The following PAK4 variants were observed in gnomAD, a reference collection of about 807,000 sequenced individuals.
PAK4 encodes p21 (RAC1) activated kinase 4.
Under a neutral mutation model 53.5 loss-of-function variants are expected in PAK4, and 49 were observed. The ratio of observed to expected loss-of-function variants is 0.92; its 90% CI spans 0.73 to 1.16. The LOEUF (loss-of-function observed/expected upper bound fraction) is 1.16. Among genes scored for constraint, PAK4 ranks in the 50% most tolerant of loss-of-function variants. The pLI is 0.00. For synonymous variants in PAK4, 376 were observed against 375.6 expected (o/e 1.00, Z -0.01); for missense variants, 824 against 850.7 (o/e 0.97, Z 0.39).
intron 1 of PAK4, chr19:39,134,879 A>G (rs1319914407): frequency 1.3e-5 from 2 of 152,224 alleles, no homozygotes; most frequent in Non-Finnish European, 2.9e-5. Context: ...TGCCGGCATT[A>G]CAGGCGTGAG....
chr19:39,148,542 C>T (rs372903526), intron 1 of PAK4, among the ~76,000 whole-genome samples: 2 of 131,192 alleles, frequency 1.5e-5, no homozygotes, highest in East Asian at 4.6e-4. Flanking sequence ...GCAGCCTCTG[C>T]CTCCTGGGTT....
At chr19:39,134,075 C>G (rs1183433886) in intron 1 of PAK4, among the ~76,000 whole-genome samples, 1 of 152,260 alleles carries the variant, frequency 6.6e-6, no homozygotes, top group Non-Finnish European at 1.5e-5. Flanking sequence ...CTGCCGCCCA[C>G]AGGGGCCTCC....
At chr19:39,170,447 C>T (rs190584195) in intron 2 of PAK4, among the ~76,000 whole-genome samples, 1 of 152,308 alleles carries the variant, frequency 6.6e-6, no homozygotes, top group Non-Finnish European at 1.5e-5. Flanking sequence ...GCTCTTAACC[C>T]CTCTGCTGCC....
chr19:39,165,189 G>GATAATAATAATAATAATAATA (rs1171032266), intron 1 of PAK4, among the ~76,000 whole-genome samples: 1 of 54,736 alleles, frequency 1.8e-5, no homozygotes, highest in Non-Finnish European at 4.2e-5. Context: ...GGATGATGAT[G>GATAATAATAATAATAATAATA]ATGATGATAA....
At position 39,175,494 on chromosome 19, in the gene PAK4, C is replaced by G; in HGVS notation, c.1359+56C>G. 1.3e-6 allele frequency: 2 copies of G among 1,522,688 alleles called. No homozygotes were observed. The highest frequency in any genetic ancestry group is 1.8e-6 in the Non-Finnish European group (2 of 1,121,240). The allele number at this position is 1,522,688 out of a possible 1,614,324, so 94.3% of individuals were successfully genotyped here. ...GGCAGGTTTCCGGCTGCGGGGCTTC[C>G]CTGCCTCTTCCCATCCCCTGTGAGG... On this transcript the variant is annotated intron_variant, in intron 6 of 8. Coordinates refer to ENST00000358301, the Ensembl canonical transcript of PAK4. The surrounding 1 kb of genome is among the most constrained non-coding windows in gnomAD (Gnocchi z 4.7).
intron 1 of PAK4, among the ~76,000 whole-genome samples, chr19:39,167,683 AC>A (rs1177220955): frequency 6.7e-6 from 1 of 148,918 alleles, no homozygotes; most frequent in Non-Finnish European, 1.5e-5. Flanking sequence ...CCGGGCCCCC[AC>A]CCCCCTCCCA....
At chr19:39,144,683 T>C (rs1203878552) in intron 1 of PAK4, among the ~76,000 whole-genome samples, 1 of 152,208 alleles carries the variant, frequency 6.6e-6, no homozygotes. Context: ...GCCTTTGTCT[T>C]CCTTGCAGGA....
chr19:39,133,502 G>A (rs1323476862), intron 1 of PAK4, among the ~76,000 whole-genome samples: 2 of 152,090 alleles, frequency 1.3e-5, no homozygotes, highest in Non-Finnish European at 2.9e-5. Flanking sequence ...CAGAGCAAGA[G>A]GAACTGGGAT....
chr19:39,147,195 C>G (rs377462019), intron 1 of PAK4, among the ~76,000 whole-genome samples: 2 of 152,298 alleles, frequency 1.3e-5, no homozygotes, highest in East Asian at 1.9e-4. Flanking sequence ...CTGGCAACCA[C>G]TCATCTGTCT....
intron 7 of PAK4, among the ~76,000 whole-genome samples, chr19:39,177,218 G>C (rs763287279): frequency 1.2e-4 from 18 of 152,218 alleles, no homozygotes; most frequent in Non-Finnish European, 1.8e-4. Flanking sequence ...CCCCTTGTGG[G>C]AGCAGAGCTG....
chr19:39,174,143 T>G, intron 4 of PAK4, 133 bp downstream of exon 5: 1 of 653,154 alleles, frequency 1.5e-6, no homozygotes, highest in Non-Finnish European at 2.6e-6. Flanking sequence ...CTCTTCTCCC[T>G]CCCCAGGCCG....
downstream of PAK4, chr19:39,180,833 C>T (rs1479299163): frequency 2.0e-5 from 3 of 152,230 alleles, no homozygotes; most frequent in African/African-American, 7.2e-5. Context: ...CTCAGGAGGC[C>T]TCTGTGACCA....
At chr19:39,167,032 C>G (rs779597964) in intron 1 of PAK4, among the ~76,000 whole-genome samples, 1 of 152,210 alleles carries the variant, frequency 6.6e-6, no homozygotes, top group African/African-American at 2.4e-5. Context: ...GGCCAGGCGT[C>G]GGAGGACATC....
chr19:39,175,185 C>A lies in PAK4; in HGVS notation c.1232+121C>A. ...GCCCCTGGGATGGGGTCGTGTCTTC[C>A]ATTCCTCCCACTCCAGAGTGGGGTC... On this transcript the variant is annotated intron_variant, in intron 5 of 8. Coordinates refer to ENST00000358301, the Ensembl canonical transcript of PAK4. The surrounding 1 kb of genome is among the most constrained non-coding windows in gnomAD (Gnocchi z 4.7). The A allele has an allele frequency of 6.7e-7, 1 of 1,482,104 alleles. No homozygotes were observed. Among genetic ancestry groups the A allele is most frequent in the Non-Finnish European group, 9.2e-7 (1 of 1,089,410 alleles). 91.8% of individuals were successfully genotyped at this position (1,482,104 alleles called of 1,614,324 possible).
At chr19:39,154,307 C>T (rs941126386) in intron 1 of PAK4, among the ~76,000 whole-genome samples, 1 of 152,132 alleles carries the variant, frequency 6.6e-6, no homozygotes, top group Non-Finnish European at 1.5e-5. Context: ...GGGAGAGCCA[C>T]GGAATGTTTT....
intron 1 of PAK4, among the ~76,000 whole-genome samples, chr19:39,146,894 G>A (rs892851460): frequency 2.6e-5 from 4 of 151,146 alleles, no homozygotes; most frequent in Non-Finnish European, 4.4e-5. Context: ...GGAGGGAGAG[G>A]GGGGAAGGAA....
chr19:39,154,616 A>G (rs985616610), intron 1 of PAK4, among the ~76,000 whole-genome samples: 35 of 152,222 alleles, frequency 2.3e-4, no homozygotes, highest in Non-Finnish European at 1.8e-4. Flanking sequence ...TAAATGTGGT[A>G]AAGTGAGAAT....
intron 1 of PAK4, among the ~76,000 whole-genome samples, chr19:39,165,514 C>CT (rs2074358475): frequency 6.1e-5 from 3 of 49,228 alleles, no homozygotes; most frequent in East Asian, 3.0e-3. Context: ...GACTCCCTCT[C>CT]AAAATAAATA....
At position 39,172,901 on chromosome 19, in the gene PAK4, A is replaced by G; in HGVS notation, c.205-17A>G. 1 of 1,512,324 alleles carries G rather than the reference A, an allele frequency of 6.6e-7. No homozygotes were observed. The highest frequency in any genetic ancestry group is 1.3e-5 in the South Asian group (1 of 79,886). The allele number at this position is 1,512,324 out of a possible 1,614,324, so 93.7% of individuals were successfully genotyped here. A position where few individuals can be genotyped will look rare whatever the true frequency, so the allele number is the denominator to read the frequency against. On this transcript the variant is annotated splice_polypyrimidine_tract_variant and intron_variant, in intron 2 of 8. Coordinates refer to ENST00000358301, the Ensembl canonical transcript of PAK4. ...ACTCCTTGCTGGGCCCCCACCCACC[A>G]TTGCCTGGGACCCCAGACCATCGTG...
Sources: allele counts gnomAD v4.1 joint callset (sites outside exome capture counted in the v4.1 genomes callset), GRCh38; gene constraint gnomAD v4.1.1; non-coding constraint Gnocchi (gnomAD v3.1); transcripts MANE v1.5; gene names NCBI Gene and HGNC (gene_info 2026-07-23, HGNC 2026-07-21).